ZNF469: variants seen among roughly 807,000 people sequenced by gnomAD.
ZNF469 encodes the protein zinc finger protein 469.
ZNF469 carries 1 observed loss-of-function variant against 1.0 expected under a neutral mutation model. The ratio of observed to expected loss-of-function variants is 1.00; its 90% CI spans 0.35 to 4.73. The LOEUF is 4.73. ZNF469 is among the 30% of genes most tolerant of loss of function. The pLI, the probability that ZNF469 is intolerant of heterozygous loss-of-function variation, is 0.16. For missense variants in ZNF469, 6,100 were observed against 5,356.3 expected (o/e 1.14, Z -4.33); for synonymous variants, 2,703 against 2,363.4 (o/e 1.14, Z -4.17).
chr16:88,431,925 C>T lies in ZNF469; in HGVS notation c.4455C>T (p.Ala1485=), dbSNP rs375783673. 93 of 1,549,372 alleles carry T rather than the reference C, an allele frequency of 6.0e-5. No homozygotes were observed. Among genetic ancestry groups the T allele is most frequent in the East Asian group, 1.2e-4 (5 of 40,920 alleles). The change falls in exon 3 of 3, where the codon GCC becomes GCT. Residue 1485 remains alanine, a synonymous_variant. Coordinates refer to ENST00000565624, the MANE Select transcript of ZNF469 (RefSeq NM_001367624.2). ...NRDSGLPFAC[A]DPPQKTVPSD... ...ACTCCGGTCTGCCGTTCGCATGTGC[C>T]GACCCTCCCCAGAAGACGGTGCCGT...
At chr16:88,272,674 G>A in the ZNF469 span, among the ~76,000 whole-genome samples, 1 of 150,962 alleles carries the variant, frequency 6.6e-6, no homozygotes, top group Admixed American at 6.6e-5. Context: ...GAACGGGTGG[G>A]TGTATGGATA....
At chr16:88,138,450 A>G in the ZNF469 span, among the ~76,000 whole-genome samples, 1 of 152,254 alleles carries the variant, frequency 6.6e-6, no homozygotes, top group Non-Finnish European at 1.5e-5. Context: ...TTGGAATAAC[A>G]TAACACATAA....
At chr16:88,153,645 G>T in the ZNF469 span, among the ~76,000 whole-genome samples, 1 of 152,224 alleles carries the variant, frequency 6.6e-6, no homozygotes. Context: ...AGCCCAGGCC[G>T]CCTGCAAGGC....
chr16:88,347,951 C>T, the ZNF469 span, among the ~76,000 whole-genome samples: 1 of 152,222 alleles, frequency 6.6e-6, no homozygotes, highest in African/African-American at 2.4e-5. Context: ...GGGCTCTTCC[C>T]AGAGAGCTCC....
chr16:88,361,204 C>T, the ZNF469 span, among the ~76,000 whole-genome samples: 1 of 152,100 alleles, frequency 6.6e-6, no homozygotes, highest in East Asian at 1.9e-4. Context: ...AATCTAATGC[C>T]ACTGATCTGA....
chr16:88,243,911 CAT>C, the ZNF469 span, among the ~76,000 whole-genome samples: 865 of 26,108 alleles, frequency 0.033, 11 homozygotes, highest in African/African-American at 0.05. Flanking sequence ...TGGCTGGATG[CAT>C]ATATATATAT....
the ZNF469 span, among the ~76,000 whole-genome samples, chr16:88,131,178 G>A: frequency 2.0e-5 from 3 of 152,258 alleles, no homozygotes; most frequent in Admixed American, 2.0e-4. Flanking sequence ...AGAACCGGCT[G>A]TCTGGGCCAT....
At chr16:88,107,485 GC>G in the ZNF469 span, among the ~76,000 whole-genome samples, 1 of 152,194 alleles carries the variant, frequency 6.6e-6, no homozygotes, top group African/African-American at 2.4e-5. Flanking sequence ...TTCAGTCACC[GC>G]CCCCTGGGCT....
At chr16:88,381,217 G>A (rs1447348023), upstream of ZNF469, among the ~76,000 whole-genome samples, 1 of 58,748 alleles carries the variant, frequency 1.7e-5, no homozygotes, top group Non-Finnish European at 3.0e-5. Flanking sequence ...CACACACACA[G>A]ACATGCACTC....
the ZNF469 span, among the ~76,000 whole-genome samples, chr16:88,255,623 G>A: frequency 7.2e-5 from 11 of 152,110 alleles, no homozygotes; most frequent in Admixed American, 2.6e-4. Context: ...CAAAGTCCAC[G>A]GTTTACGTTG....
At chr16:88,317,806 A>G in the ZNF469 span, among the ~76,000 whole-genome samples, 4 of 152,144 alleles carry the variant, frequency 2.6e-5, no homozygotes, top group Admixed American at 2.6e-4. Context: ...TTATCTCCCA[A>G]ATCCCATCTG....
At chr16:88,401,623 A>G (rs62639746) in intron 1 of ZNF469, among the ~76,000 whole-genome samples, 54,385 of 123,424 alleles carry the variant, frequency 0.44, 7,404 homozygotes, top group African/African-American at 0.48. Context: ...GAGTGGATGG[A>G]TGGATGGATG....
At chr16:88,324,741 C>G in the ZNF469 span, among the ~76,000 whole-genome samples, 30 of 152,304 alleles carry the variant, frequency 2.0e-4, no homozygotes, top group Admixed American at 2.0e-4. Flanking sequence ...GCGGCACCTT[C>G]CAGATGTTGC....
At chr16:88,341,272 C>G in the ZNF469 span, among the ~76,000 whole-genome samples, 1 of 152,194 alleles carries the variant, frequency 6.6e-6, no homozygotes, top group African/African-American at 2.4e-5. Flanking sequence ...GGGGCCTGTA[C>G]AGGGCCAGCC....
the ZNF469 span, among the ~76,000 whole-genome samples, chr16:88,209,135 C>A: frequency 6.6e-6 from 1 of 151,984 alleles, no homozygotes; most frequent in Non-Finnish European, 1.5e-5. Context: ...GTAAACTTAA[C>A]CTGGTTCCAC....
At chr16:88,209,981 G>A in the ZNF469 span, among the ~76,000 whole-genome samples, 4 of 152,074 alleles carry the variant, frequency 2.6e-5, no homozygotes, top group Non-Finnish European at 5.9e-5. Context: ...CCTCCAAGAC[G>A]GTTTTACCAA....
rs1182250438 is a variant in ZNF469 at position 88,431,242 on chromosome 16, G to A, written c.3772G>A (p.Ala1258Thr). ...PPAACAGEMG[A>T]SPGLLIPEQP... is the part of the protein sequence containing the mutation. Reference sequence around the variant, plus strand: ...AGCCGCCTGTGCGGGAGAAATGGGAGCAAGCCCCGGTCTCCTGATACCAGA... The same window carrying A: ...AGCCGCCTGTGCGGGAGAAATGGGAACAAGCCCCGGTCTCCTGATACCAGA... The change falls in exon 3 of 3, where the codon GCA becomes ACA. Residue 1258 changes from alanine (A) to threonine (T), a missense_variant. By Grantham distance (58) the Ala-to-Thr change is moderately conservative. Transcript: ENST00000565624. 5 of 1,550,268 alleles carry A rather than the reference G, an allele frequency of 3.2e-6. No individual in the cohort carries two copies. The highest frequency in any genetic ancestry group is 1.2e-5 in the South Asian group (1 of 84,074).
chr16:88,135,140 G>A, the ZNF469 span, among the ~76,000 whole-genome samples: 1 of 152,258 alleles, frequency 6.6e-6, no homozygotes, highest in Non-Finnish European at 1.5e-5. Flanking sequence ...TGGAACAGAA[G>A]CCTATTGGCC....
At chr16:88,359,005 C>T in the ZNF469 span, among the ~76,000 whole-genome samples, 1 of 152,202 alleles carries the variant, frequency 6.6e-6, no homozygotes, top group African/African-American at 2.4e-5. Flanking sequence ...TAAGTGTTCA[C>T]TCACTTCTAC....
Sources: allele counts gnomAD v4.1 joint callset (sites outside exome capture counted in the v4.1 genomes callset), GRCh38; gene constraint gnomAD v4.1.1; transcripts MANE v1.5; gene names NCBI Gene and HGNC (gene_info 2026-07-23, HGNC 2026-07-21).